GDA: variants seen among roughly 807,000 people sequenced by gnomAD.
GDA encodes the protein guanine deaminase.
Under a neutral mutation model 59.6 loss-of-function variants are expected in GDA, and 18 were observed. The observed-to-expected ratio is 0.30, with a 90% CI of 0.21 to 0.45. The LOEUF (loss-of-function observed/expected upper bound fraction) is 0.45. Among genes scored for constraint, GDA ranks in the 20% least tolerant of loss-of-function variants. GDA has a pLI of 1.00. For synonymous variants in GDA, 201 were observed against 201.1 expected, an observed-to-expected ratio of 1.00 and a Z score of 0.00; for missense variants, 427 against 552.3, an observed-to-expected ratio of 0.77 and a Z score of 2.27.
intron 1 of GDA, among the ~76,000 whole-genome samples, chr9:72,167,125 T>C (rs1829411732): frequency 6.6e-6 from 1 of 152,218 alleles, no homozygotes; most frequent in Non-Finnish European, 1.5e-5. Flanking sequence ...TTTGTTTTAT[T>C]TGAGTTCCTT....
chr9:72,125,162 G>A (rs956464197), intron 1 of GDA, among the ~76,000 whole-genome samples: 1 of 152,162 alleles, frequency 6.6e-6, no homozygotes, highest in African/African-American at 2.4e-5. Context: ...TGACCAAATG[G>A]ATGAGAGTGG....
chr9:72,195,051 T>C (rs530792859), intron 1 of GDA, among the ~76,000 whole-genome samples: 7 of 152,290 alleles, frequency 4.6e-5, no homozygotes, highest in African/African-American at 1.7e-4. Flanking sequence ...TTGTATCTCT[T>C]CAGTGCCTCT....
At chr9:72,236,531 T>C (rs1839008730) in intron 10 of GDA, among the ~76,000 whole-genome samples, 1 of 152,158 alleles carries the variant, frequency 6.6e-6, no homozygotes, top group African/African-American at 2.4e-5. Flanking sequence ...GCTGGGATTT[T>C]CTCTTCTTTG....
chr9:72,189,714 A>G (rs1832301646), intron 1 of GDA, among the ~76,000 whole-genome samples: 1 of 151,970 alleles, frequency 6.6e-6, no homozygotes, highest in African/African-American at 2.4e-5. Flanking sequence ...GGTGGCACAT[A>G]CCTGTGGTCC....
intron 1 of GDA, among the ~76,000 whole-genome samples, chr9:72,189,220 C>T (rs1401780439): frequency 8.1e-6 from 1 of 122,790 alleles, no homozygotes; most frequent in Non-Finnish European, 1.6e-5. Flanking sequence ...CACTTTGTCA[C>T]ACAGGCTGGA....
upstream of GDA, among the ~76,000 whole-genome samples, chr9:72,147,986 A>C (rs1349423898): frequency 6.6e-6 from 1 of 152,204 alleles, no homozygotes; most frequent in Non-Finnish European, 1.5e-5. Flanking sequence ...TAAAACCAGG[A>C]AAGTGCCTGG....
intron 9 of GDA, among the ~76,000 whole-genome samples, chr9:72,230,838 A>AT (rs1838250256): frequency 6.6e-6 from 1 of 152,044 alleles, no homozygotes; most frequent in African/African-American, 2.4e-5. Context: ...TGATTTCTTC[A>AT]TTTTTTTCCC....
rs1406768768 is a variant in GDA, at chr9:72,120,979, G to A, written c.-100+6146G>A. 5.9e-5 allele frequency among the ~76,000 whole-genome samples: 9 copies of A among 152,100 alleles called. No homozygotes were observed. The East Asian group carries it at 1.7e-3, about 29-fold the overall frequency. On this transcript the variant is annotated intron_variant, in intron 1 of 13. Transcript: ENST00000545168. ...TCTCATCTTCCCCTGCCTTCTTGGGGACTTTACTCCATTAATGAGTCCCCT... is the reference window on the plus strand; with the variant it reads ...TCTCATCTTCCCCTGCCTTCTTGGGAACTTTACTCCATTAATGAGTCCCCT...
chr9:72,228,241 G>A, intron 9 of GDA: 1 of 533,336 alleles, frequency 1.9e-6, no homozygotes, highest in Non-Finnish European at 3.4e-6. Context: ...GAGGACACGT[G>A]AAGAGCACAG....
chr9:72,216,376 G>A (rs904628864), intron 5 of GDA, among the ~76,000 whole-genome samples: 4 of 152,102 alleles, frequency 2.6e-5, no homozygotes, highest in African/African-American at 9.7e-5. Context: ...GGAAAAACTG[G>A]GTCACCAAGG....
At chr9:72,231,347 C>T (rs918229924) in intron 10 of GDA, among the ~76,000 whole-genome samples, 166 bp downstream of exon 10, 4 of 151,676 alleles carry the variant, frequency 2.6e-5, no homozygotes, top group African/African-American at 7.3e-5. Flanking sequence ...GAGGCTGAGG[C>T]GGGTGGATCA....
At chr9:72,215,490 A>G (rs1835992180) in intron 5 of GDA, among the ~76,000 whole-genome samples, 1 of 152,192 alleles carries the variant, frequency 6.6e-6, no homozygotes, top group Admixed American at 6.5e-5. Flanking sequence ...ATAACAGGCT[A>G]ATATAGGGAT....
In GDA at chr9:72,250,005, A is replaced by C. The variant is rs1840530631; in HGVS notation, c.*1663A>C. ...AGTTAGTTTTATTTTTTTAATAAAC[A>C]ACAGAGTTTGTTTTGTGAGATAAGT... On this transcript the variant is annotated 3_prime_UTR_variant, in exon 14 of 14. Transcript: ENST00000358399. 2 of 958,178 alleles carry C rather than the reference A, an allele frequency of 2.1e-6. No individual in the cohort carries two copies. The highest frequency in any genetic ancestry group is 5.3e-4 in the Middle Eastern group (1 of 1,878). The allele number at this position is 958,178 out of a possible 1,614,324, so 59.4% of individuals were successfully genotyped here. A position where few individuals can be genotyped will look rare whatever the true frequency, so the allele number is the denominator to read the frequency against.
In GDA at chr9:72,195,469, GTTTCT is replaced by G. The variant is rs919865079; in HGVS notation, c.124-18_124-14del. ...AAATGACTGTGACTCACTAATATGT[GTTTCT>G]TTTCTTTTCTTTCTTTCTTTTAAAG... On this transcript the variant is annotated intron_variant, in intron 1 of 13. Transcript: ENST00000358399. 6.4e-6 allele frequency: 6 copies of G among 942,606 alleles called. No homozygotes were observed. In the African/African-American group the frequency reaches 1.0e-4, roughly 16 times the overall value. The allele number at this position is 942,606 out of a possible 1,614,324, so 58.4% of individuals were successfully genotyped here. A position where few individuals can be genotyped will look rare whatever the true frequency, so the allele number is the denominator to read the frequency against.
intron 1 of GDA, among the ~76,000 whole-genome samples, chr9:72,132,906 A>G (rs904357753): frequency 2.0e-5 from 3 of 152,178 alleles, no homozygotes; most frequent in Non-Finnish European, 4.4e-5. Flanking sequence ...CCAAGGACAA[A>G]GTGAAACCAG....
chr9:72,212,209 G>T (rs910987939), intron 4 of GDA, among the ~76,000 whole-genome samples: 1 of 152,118 alleles, frequency 6.6e-6, no homozygotes, highest in African/African-American at 2.4e-5. Context: ...ATGGCCAGGC[G>T]CGGTGGTTAA....
intron 1 of GDA, among the ~76,000 whole-genome samples, chr9:72,182,056 A>G (rs968030472): frequency 2.0e-5 from 3 of 152,178 alleles, no homozygotes; most frequent in African/African-American, 7.2e-5. Flanking sequence ...CTGGACTGAG[A>G]GTAAGTTATA....
chr9:72,203,624 T>C lies in GDA; in HGVS notation c.384+882T>C, dbSNP rs116496490. On this transcript the variant is annotated intron_variant, in intron 3 of 13. Transcript: ENST00000358399. The stretch of plus-strand genomic sequence containing the variant: ...CAAATGCTGCCTTGTCTGATCATTA[T>C]GTCCTGGTGTTCAGCGCACTTGGTC... Among the ~76,000 whole-genome samples the C allele has an allele frequency of 9.7e-3, 1,470 of 152,312 alleles. 19 individuals carry two copies. The highest frequency in any genetic ancestry group is 0.034 in the African/African-American group (1,409 of 41,560).
chr9:72,158,064 C>G (rs1354668569), intron 1 of GDA, among the ~76,000 whole-genome samples: 2 of 152,116 alleles, frequency 1.3e-5, no homozygotes, highest in African/African-American at 4.8e-5. Context: ...CCTTTAAGGC[C>G]CAGCTCTGAT....
Sources: allele counts gnomAD v4.1 joint callset (sites outside exome capture counted in the v4.1 genomes callset), GRCh38; gene constraint gnomAD v4.1.1; transcripts MANE v1.5; gene names NCBI Gene and HGNC (gene_info 2026-07-23, HGNC 2026-07-21).